The following GEMIN2 variants were observed in gnomAD, a reference collection of about 807,000 sequenced individuals.
GEMIN2 encodes gem-associated protein 2.
A neutral mutation model predicts 45.8 loss-of-function variants in GEMIN2; 37 were observed. The observed-to-expected ratio is 0.81, with a 90% CI of 0.62 to 1.06. The LOEUF is 1.06. Among genes scored for constraint, GEMIN2 ranks in the 50% least tolerant of loss-of-function variants. The pLI, the probability that GEMIN2 is intolerant of heterozygous loss-of-function variation, is 0.00. For synonymous variants in GEMIN2, 101 were observed against 111.5 expected (o/e 0.91, Z 0.60); for missense variants, 335 against 321.8 (o/e 1.04, Z -0.31).
intron 4 of GEMIN2, among the ~76,000 whole-genome samples, chr14:39,120,419 T>C (rs1468373711): frequency 1.3e-5 from 2 of 152,264 alleles, no homozygotes; most frequent in East Asian, 3.9e-4. Flanking sequence ...GGCAACTGTG[T>C]GAAAACATAA....
chr14:39,134,629 A>G (rs1278817586), intron 9 of GEMIN2, among the ~76,000 whole-genome samples: 1 of 152,200 alleles, frequency 6.6e-6, no homozygotes, highest in Non-Finnish European at 1.5e-5. Context: ...GCTGCTGATG[A>G]TAATTAACAT....
intron 9 of GEMIN2, among the ~76,000 whole-genome samples, chr14:39,135,440 G>A (rs1374952169): frequency 6.6e-6 from 1 of 151,964 alleles, no homozygotes; most frequent in Non-Finnish European, 1.5e-5. Context: ...AGGAAAATTA[G>A]CCGGGCACGG....
At position 39,128,489 on chromosome 14, in the gene GEMIN2, T is replaced by TTC; in HGVS notation, c.600+142_600+143insCT. The TTC allele has an allele frequency of 3.0e-5, 11 of 369,684 alleles. No individual in the cohort carries two copies. The East Asian group carries it at 3.5e-4, about 12-fold the overall frequency. The allele number at this position is 369,684 out of a possible 1,614,324, so 22.9% of individuals were successfully genotyped here. ...CACATTTTCTTTTTTTCTTTTCTTT[T>TTC]TTTTTTTTTTTTTTTTTTTGAGACA... On this transcript the variant is annotated intron_variant, in intron 7 of 9. Coordinates refer to ENST00000308317, the MANE Select transcript of GEMIN2 (RefSeq NM_003616.3).
intron 9 of GEMIN2, chr14:39,134,188 G>T (rs368439942): frequency 6.6e-6 from 1 of 152,246 alleles, no homozygotes; most frequent in Non-Finnish European, 1.5e-5. Flanking sequence ...TTCTTACATA[G>T]AAATTCTTCT....
At chr14:39,134,077 G>A (rs541852117) in intron 9 of GEMIN2, 52 of 158,908 alleles carry the variant, frequency 3.3e-4, no homozygotes, top group African/African-American at 1.2e-3. Context: ...GATTACAGGT[G>A]TAAAGCCACT....
At chr14:39,129,392 G>C (rs973147742) in intron 7 of GEMIN2, among the ~76,000 whole-genome samples, 1 of 152,022 alleles carries the variant, frequency 6.6e-6, no homozygotes, top group African/African-American at 2.4e-5. Flanking sequence ...TTGATGTGAT[G>C]CTACGGTATT....
chr14:39,117,452 TAC>T (rs1366333574), intron 2 of GEMIN2, among the ~76,000 whole-genome samples: 1 of 152,198 alleles, frequency 6.6e-6, no homozygotes, highest in Non-Finnish European at 1.5e-5. Context: ...GATATTTTGA[TAC>T]ATGCATACAA....
intron 9 of GEMIN2, among the ~76,000 whole-genome samples, chr14:39,135,183 A>G (rs1594523210): frequency 1.3e-5 from 2 of 152,216 alleles, no homozygotes; most frequent in East Asian, 1.9e-4. Flanking sequence ...AAAACATTCA[A>G]GTGTATTTTT....
At position 39,118,038 on chromosome 14, in the gene GEMIN2, A is replaced by C. The variant is rs754017943; in HGVS notation, c.262A>C (p.Thr88Pro). The change falls in exon 3 of 10, where the codon ACA becomes CCA. Residue 88 changes from threonine to proline, a missense_variant. By Grantham distance (38) the Thr-to-Pro change is conservative. Coordinates refer to ENST00000308317, the MANE Select transcript of GEMIN2 (RefSeq NM_003616.3). Reference protein sequence around the residue: ...CQPAPEGYSPTLQWQQQQVAQ... With the variant: ...CQPAPEGYSPPLQWQQQQVAQ... Reference sequence around the variant, plus strand: ...ACCCGCCCCTGAAGGTTATTCCCCAACACTTCAATGGCAACAGCAACAAGT... The same window carrying C: ...ACCCGCCCCTGAAGGTTATTCCCCACCACTTCAATGGCAACAGCAACAAGT... 2.1e-5 allele frequency: 33 copies of C among 1,609,518 alleles called. No individual in the cohort carries two copies. Among genetic ancestry groups the C allele is most frequent in the Non-Finnish European group, 2.3e-5 (27 of 1,177,094 alleles).
At chr14:39,133,564 A>T (rs1392609285) in intron 8 of GEMIN2, 97 bp from the exon 9 acceptor site, 6 of 592,370 alleles carry the variant, frequency 1.0e-5, no homozygotes, top group Non-Finnish European at 1.7e-5. Flanking sequence ...GTCATATAAT[A>T]AAGTTTTCAT....
Position 39,136,793 on chromosome 14 carries a change from G to T in GEMIN2, c.*314G>T. ...CTGTTTTGTTCTTTTTTTGTTTTTT[G>T]TTGTTTTGTTATTTACTTATATACA... On this transcript the variant is annotated 3_prime_UTR_variant, in exon 10 of 10. Transcript: ENST00000308317. 4.2e-6 allele frequency: 1 copy of T among 239,606 alleles called. No individual in the cohort carries two copies. The highest frequency in any genetic ancestry group is 1.2e-4 in the South Asian group (1 of 8,292). The allele number at this position is 239,606 out of a possible 1,614,324, so 14.8% of individuals were successfully genotyped here. A position where few individuals can be genotyped will look rare whatever the true frequency, so the allele number is the denominator to read the frequency against.
chr14:39,135,172 A>G (rs2052767014), intron 9 of GEMIN2, among the ~76,000 whole-genome samples: 1 of 152,228 alleles, frequency 6.6e-6, no homozygotes, highest in East Asian at 1.9e-4. Flanking sequence ...TTATGAAAGC[A>G]AAAACATTCA....
rs146746499 is a variant in GEMIN2, at chr14:39,122,482, T to C, written c.425T>C (p.Leu142Ser). The C allele has an allele frequency of 2.7e-4, 442 of 1,611,210 alleles. 1 individual carries two copies. The African/African-American group carries it at 5.7e-3, about 21-fold the overall frequency. The change falls in exon 5 of 10, where the codon TTA becomes TCA. Residue 142 changes from leucine to serine, a missense_variant. Leu to Ser is a moderately radical substitution (Grantham distance 145, BLOSUM62 -2). Transcript: ENST00000308317. ...AAGAAATTTTGTCTGGGTGAAAAGT[T>C]ATGTGCTGACGGGGCTGTTGGACCA... ...GWKKFCLGEK[L>S]CADGAVGPAT...
chr14:39,115,818 TTTAA>T (rs2139329966), intron 2 of GEMIN2, among the ~76,000 whole-genome samples: 1 of 152,270 alleles, frequency 6.6e-6, no homozygotes, highest in African/African-American at 2.4e-5. Flanking sequence ...CCAGCACATC[TTTAA>T]TTAAGCAACT....
chr14:39,128,485 C>CTTTTTTTTTTTTTTTTTTT (rs71130820), intron 7 of GEMIN2, 137 bp downstream of exon 7: 81 of 148,456 alleles, frequency 5.5e-4, no homozygotes, highest in African/African-American at 9.1e-4. Flanking sequence ...TTTTTCTTTT[C>CTTTTTTTTTTTTTTTTTTT]TTTTTTTTTT....
intron 3 of GEMIN2, among the ~76,000 whole-genome samples, 177 bp from the exon 4 acceptor site, chr14:39,118,363 G>A (rs890327065): frequency 1.3e-5 from 2 of 152,036 alleles, no homozygotes; most frequent in African/African-American, 4.8e-5. Flanking sequence ...CTGAGATTTT[G>A]GTGCACTTGT....
chr14:39,129,744 G>A (rs1267050197), intron 7 of GEMIN2, among the ~76,000 whole-genome samples: 2 of 150,222 alleles, frequency 1.3e-5, no homozygotes, highest in Non-Finnish European at 3.0e-5. Context: ...ATTTGTATAT[G>A]TGTGTGTGTG....
rs1443279139 is a variant in GEMIN2 at position 39,136,789 on chromosome 14, T to A, written c.*310T>A. On this transcript the variant is annotated 3_prime_UTR_variant, in exon 10 of 10. Transcript: ENST00000308317. Reference sequence around the variant, plus strand: ...GGTGCTGTTTTGTTCTTTTTTTGTTTTTTGTTGTTTTGTTATTTACTTATA... The same window carrying A: ...GGTGCTGTTTTGTTCTTTTTTTGTTATTTGTTGTTTTGTTATTTACTTATA... 3 of 240,580 alleles carry A rather than the reference T, an allele frequency of 1.2e-5. No individual in the cohort carries two copies. The highest frequency in any genetic ancestry group is 2.3e-5 in the African/African-American group (1 of 44,160). 14.9% of individuals were successfully genotyped at this position (240,580 alleles called of 1,614,324 possible). A position where few individuals can be genotyped will look rare whatever the true frequency, so the allele number is the denominator to read the frequency against.
At chr14:39,119,313 G>A (rs1265398646) in intron 4 of GEMIN2, among the ~76,000 whole-genome samples, 5 of 152,206 alleles carry the variant, frequency 3.3e-5, no homozygotes, top group African/African-American at 1.2e-4. Context: ...TGCTTAATGT[G>A]ATGAGTCTGT....
Sources: allele counts gnomAD v4.1 joint callset (sites outside exome capture counted in the v4.1 genomes callset), GRCh38; gene constraint gnomAD v4.1.1; transcripts MANE v1.5; gene names NCBI Gene and HGNC (gene_info 2026-07-23, HGNC 2026-07-21).